DNAJC1: variants seen among roughly 807,000 people sequenced by gnomAD.
DNAJC1 encodes the protein DnaJ heat shock protein family (Hsp40) member C1.
A neutral mutation model predicts 76.6 loss-of-function variants in DNAJC1; 58 were observed. That is an observed-to-expected ratio of 0.76 (90% CI 0.61 to 0.94). The LOEUF (loss-of-function observed/expected upper bound fraction) is 0.94, where lower values mean the gene tolerates loss of function less well. DNAJC1 is among the 40% of genes least tolerant of loss of function. The pLI is 0.00. For missense variants in DNAJC1, 689 were observed against 677.3 expected (o/e 1.02, Z -0.19); for synonymous variants, 258 against 267.9 (o/e 0.96, Z 0.36).
intron 1 of DNAJC1, among the ~76,000 whole-genome samples, chr10:21,991,994 A>C (rs529917353): frequency 6.6e-6 from 1 of 152,366 alleles, no homozygotes; most frequent in East Asian, 1.9e-4. Context: ...TTAGTACAAA[A>C]AATTAAAATG....
chr10:21,947,420 C>G (rs921680666), intron 1 of DNAJC1, among the ~76,000 whole-genome samples: 1 of 152,102 alleles, frequency 6.6e-6, no homozygotes, highest in Admixed American at 6.6e-5. Flanking sequence ...GCAAGACTAG[C>G]CTCTCCTCTC....
At chr10:21,813,048 CACACAT>C (rs1589990918) in intron 8 of DNAJC1, among the ~76,000 whole-genome samples, 1 of 143,676 alleles carries the variant, frequency 7.0e-6, no homozygotes, top group South Asian at 2.2e-4. Flanking sequence ...CACACACACA[CACACAT>C]ATATATACAT....
intron 1 of DNAJC1, among the ~76,000 whole-genome samples, chr10:21,930,945 C>T (rs1045994857): frequency 2.6e-5 from 4 of 152,060 alleles, no homozygotes; most frequent in Non-Finnish European, 4.4e-5. Context: ...TTTTCTATTA[C>T]AAAATTAATA....
At chr10:21,762,850 G>A (rs944182396) in intron 10 of DNAJC1, among the ~76,000 whole-genome samples, 10 of 152,280 alleles carry the variant, frequency 6.6e-5, no homozygotes, top group East Asian at 3.9e-4. Context: ...TTTTAAATCC[G>A]TAAAAATAAG....
chr10:21,940,321 T>C (rs1837385748), intron 1 of DNAJC1, among the ~76,000 whole-genome samples: 1 of 152,170 alleles, frequency 6.6e-6, no homozygotes, highest in African/African-American at 2.4e-5. Context: ...GCTTTGGGTT[T>C]CTCCATAATA....
intron 8 of DNAJC1, among the ~76,000 whole-genome samples, chr10:21,862,635 G>T (rs1037702355): frequency 6.6e-6 from 1 of 151,108 alleles, no homozygotes; most frequent in South Asian, 2.1e-4. Flanking sequence ...CGCTATGTTG[G>T]CCAGGCTGGT....
At chr10:21,987,575 C>A (rs1838267063) in intron 1 of DNAJC1, among the ~76,000 whole-genome samples, 1 of 152,068 alleles carries the variant, frequency 6.6e-6, no homozygotes, top group Non-Finnish European at 1.5e-5. Flanking sequence ...TTTTATTGAT[C>A]ATAGACAACA....
intron 8 of DNAJC1, among the ~76,000 whole-genome samples, chr10:21,870,626 T>C (rs935013892): frequency 2.6e-5 from 4 of 151,888 alleles, no homozygotes; most frequent in South Asian, 4.2e-4. Context: ...AATTACAAAA[T>C]TAGCCAGGCA....
At chr10:21,786,427 AATATAT>A (rs71472824) in intron 9 of DNAJC1, among the ~76,000 whole-genome samples, 4,052 of 31,074 alleles carry the variant, frequency 0.13, 343 homozygotes, top group East Asian at 0.2. Context: ...TTAAAATGGG[AATATAT>A]ATATATATAT....
At chr10:21,998,389 CAAAA>C (rs60371730) in intron 1 of DNAJC1, among the ~76,000 whole-genome samples, 2 of 95,816 alleles carry the variant, frequency 2.1e-5, no homozygotes, top group Admixed American at 1.3e-4. Flanking sequence ...GACTCCATCT[CAAAA>C]AAAAAAAAAA....
chr10:21,834,351 T>C (rs184804580), intron 8 of DNAJC1, among the ~76,000 whole-genome samples: 5 of 152,320 alleles, frequency 3.3e-5, no homozygotes, highest in Admixed American at 6.5e-5. Context: ...GGAGCCAAGA[T>C]GGCCGAATGG....
intron 1 of DNAJC1, among the ~76,000 whole-genome samples, chr10:21,982,856 G>A (rs974239085): frequency 1.3e-5 from 2 of 152,112 alleles, no homozygotes; most frequent in African/African-American, 4.8e-5. Flanking sequence ...GTTAAATACT[G>A]CCTGGGCAAC....
chr10:21,993,092 T>C (rs1838352783), intron 1 of DNAJC1, among the ~76,000 whole-genome samples: 1 of 134,178 alleles, frequency 7.5e-6, no homozygotes, highest in Non-Finnish European at 1.6e-5. Context: ...ATTTTATGTT[T>C]ACATATATAC....
intron 4 of DNAJC1, 129 bp downstream of exon 4, chr10:21,920,669 G>C: frequency 1.4e-6 from 1 of 696,482 alleles, no homozygotes; most frequent in East Asian, 3.2e-5. Context: ...GTCAAACATT[G>C]AGTATAAAAC....
At position 21,763,768 on chromosome 10, in the gene DNAJC1, T is replaced by C. The variant is rs564744988; in HGVS notation, c.1147+2493A>G. ...ATGTCACTGAAACTCTGGGGTTATC[T>C]ATACATTCACTCAACTGGGTATCTT... On this transcript the variant is annotated intron_variant, in intron 10 of 11. Coordinates refer to ENST00000376980, the MANE Select transcript of DNAJC1 (RefSeq NM_022365.4). Among the ~76,000 whole-genome samples the C allele has an allele frequency of 2.6e-4, 40 of 152,330 alleles. No homozygotes were observed. In the South Asian group the frequency reaches 3.5e-3, roughly 13 times the overall value.
intron 9 of DNAJC1, among the ~76,000 whole-genome samples, chr10:21,779,470 T>C (rs1455481263): frequency 6.6e-6 from 1 of 152,184 alleles, no homozygotes; most frequent in African/African-American, 2.4e-5. Flanking sequence ...CTGCTGGTGA[T>C]ACCCAGGCAA....
At chr10:21,808,489 T>C (rs897416928) in intron 8 of DNAJC1, among the ~76,000 whole-genome samples, 1 of 152,188 alleles carries the variant, frequency 6.6e-6, no homozygotes, top group East Asian at 1.9e-4. Context: ...ATTTTTATTA[T>C]TAATATTTTT....
chr10:21,815,190 A>T (rs1835054882), intron 8 of DNAJC1, among the ~76,000 whole-genome samples: 1 of 152,228 alleles, frequency 6.6e-6, no homozygotes, highest in Admixed American at 6.5e-5. Flanking sequence ...GCTGCTCAGA[A>T]CTAAAAACAA....
At chr10:21,893,230 C>T (rs937304808) in intron 7 of DNAJC1, among the ~76,000 whole-genome samples, 4 of 152,010 alleles carry the variant, frequency 2.6e-5, no homozygotes, top group East Asian at 3.8e-4. Flanking sequence ...ATAACAAAAA[C>T]GTCTCTGAAC....
Sources: gnomAD v4.1 joint callset for allele counts (sites outside exome capture counted in the v4.1 genomes callset) on GRCh38, gnomAD v4.1.1 for gene constraint, MANE v1.5 for transcripts, NCBI Gene and HGNC (gene_info 2026-07-23, HGNC 2026-07-21) for gene names.